ASAP2: variants seen among roughly 807,000 people sequenced by gnomAD.
The protein encoded by ASAP2 is ArfGAP with SH3 domain, ankyrin repeat and PH domain 2, also known as arf-GAP with SH3 domain, ANK repeat and PH domain-containing protein 2.
In ASAP2, 45 loss-of-function variants were observed where a neutral mutation model predicts 131.4. That is an observed-to-expected ratio of 0.34 (90% CI 0.27 to 0.44). ASAP2 has a LOEUF of 0.44. Among genes scored for constraint, ASAP2 ranks in the 20% least tolerant of loss-of-function variants. ASAP2 has a pLI of 1.00. For missense variants in ASAP2, 1,011 were observed against 1,297.0 expected, an observed-to-expected ratio of 0.78 and a Z score of 3.39; for synonymous variants, 510 against 503.0, an observed-to-expected ratio of 1.01 and a Z score of -0.19.
At chr2:9,343,271 C>T (rs906116822) in intron 9 of ASAP2, among the ~76,000 whole-genome samples, 4 of 152,168 alleles carry the variant, frequency 2.6e-5, no homozygotes, top group South Asian at 2.1e-4. Flanking sequence ...ACTGGATAGG[C>T]GTTCTCATTA....
intron 12 of ASAP2, among the ~76,000 whole-genome samples, chr2:9,351,758 G>A (rs939132610): frequency 2.6e-5 from 4 of 152,154 alleles, no homozygotes; most frequent in Non-Finnish European, 4.4e-5. Flanking sequence ...GTGATTCAGC[G>A]CTCCCAGCAA....
At chr2:9,298,633 G>A (rs1668297118) in intron 3 of ASAP2, among the ~76,000 whole-genome samples, 1 of 152,212 alleles carries the variant, frequency 6.6e-6, no homozygotes, top group Non-Finnish European at 1.5e-5. Flanking sequence ...GGCATGCATG[G>A]TGGGGTCTCA....
chr2:9,220,917 C>T (rs1662367506), intron 1 of ASAP2, among the ~76,000 whole-genome samples: 1 of 152,116 alleles, frequency 6.6e-6, no homozygotes, highest in Non-Finnish European at 1.5e-5. Flanking sequence ...GAAGACTTTT[C>T]TTCTTGAATT....
chr2:9,386,281 A>T (rs1026737130), intron 21 of ASAP2, among the ~76,000 whole-genome samples: 2 of 152,062 alleles, frequency 1.3e-5, no homozygotes, highest in Non-Finnish European at 2.9e-5. Context: ...TAACATCCAT[A>T]CTTAACTGCT....
In ASAP2 at chr2:9,267,635, G is replaced by C. The variant is rs190040132; in HGVS notation, c.127-11682G>C. Among the ~76,000 whole-genome samples, 352 of 152,182 alleles carry C rather than the reference G, an allele frequency of 2.3e-3. 2 individuals carry two copies. Among genetic ancestry groups the C allele is most frequent in the South Asian group, 5.8e-3 (28 of 4,824 alleles). ...ATGAAGGCCACGTGCAGTTTCTCAT[G>C]CCTGTAATCCCAGCACTTTGGGAGG... On this transcript the variant is annotated intron_variant, in intron 1 of 27. Transcript: ENST00000281419.
chr2:9,210,978 A>G (rs1047104748), intron 1 of ASAP2, among the ~76,000 whole-genome samples: 4 of 151,948 alleles, frequency 2.6e-5, no homozygotes, highest in African/African-American at 9.7e-5. Context: ...CAACATGGAG[A>G]AACCCTGTCT....
chr2:9,306,748 C>CT (rs1668970188), intron 3 of ASAP2, among the ~76,000 whole-genome samples: 3 of 150,476 alleles, frequency 2.0e-5, no homozygotes, highest in South Asian at 2.1e-4. Flanking sequence ...ATTCCTCCTT[C>CT]TTTGGGAACT....
At chr2:9,373,540 G>T (rs1011071725) in intron 16 of ASAP2, among the ~76,000 whole-genome samples, 4 of 152,224 alleles carry the variant, frequency 2.6e-5, no homozygotes, top group Non-Finnish European at 4.4e-5. Flanking sequence ...CCAGTGGCAT[G>T]TCCAGGGAGC....
rs956179204 is a variant in ASAP2 at position 9,282,715 on chromosome 2, A to G, written c.199+3326A>G. 5.3e-5 allele frequency among the ~76,000 whole-genome samples: 8 copies of G among 152,218 alleles called. No homozygotes were observed. In the East Asian group the frequency reaches 1.3e-3, roughly 26 times the overall value. On this transcript the variant is annotated intron_variant, in intron 2 of 27. Transcript: ENST00000281419. ...TCATTTTATGTACGATTGAAAGAAC[A>G]GTGAGAATAAATTAGCATTTATGCT...
chr2:9,351,011 C>T (rs903170908), intron 12 of ASAP2, 116 bp downstream of exon 12: 67 of 753,558 alleles, frequency 8.9e-5, no homozygotes, highest in Admixed American at 9.1e-5. Context: ...AGAGACATAC[C>T]CTTTTTCTAG....
At position 9,389,070 on chromosome 2, in the gene ASAP2, A is replaced by G. The variant is rs1489053420; in HGVS notation, c.2383+524A>G. On this transcript the variant is annotated intron_variant, in intron 22 of 27. Transcript: ENST00000281419. The surrounding 1 kb of genome is among the most constrained non-coding windows in gnomAD (Gnocchi z 4.7). ...GTGGGCCTACCAGTGTCTTAGGGCAAAAAGCATGCTTTTCTTACCTCAGCT... is the reference window on the plus strand; with the variant it reads ...GTGGGCCTACCAGTGTCTTAGGGCAGAAAGCATGCTTTTCTTACCTCAGCT... Among the ~76,000 whole-genome samples, 2 of 152,260 alleles carry G rather than the reference A, an allele frequency of 1.3e-5. No homozygotes were observed. The highest frequency in any genetic ancestry group is 4.8e-5 in the African/African-American group (2 of 41,470).
At chr2:9,366,318 C>T (rs1673471038) in intron 15 of ASAP2, among the ~76,000 whole-genome samples, 1 of 152,064 alleles carries the variant, frequency 6.6e-6, no homozygotes, top group African/African-American at 2.4e-5. Context: ...TCTCCTCCTC[C>T]CATCTCCCCA....
At chr2:9,399,249 G>A (rs1181212993) in intron 24 of ASAP2, 1 of 152,538 alleles carries the variant, frequency 6.6e-6, no homozygotes, top group African/African-American at 2.4e-5. Context: ...TTCCTCCCTG[G>A]TCTTCCTCTT....
intron 1 of ASAP2, among the ~76,000 whole-genome samples, chr2:9,278,372 G>A (rs1483013485): frequency 6.6e-6 from 1 of 152,060 alleles, no homozygotes; most frequent in Admixed American, 6.6e-5. Flanking sequence ...AATTAGCTGG[G>A]CATGGTGGCA....
chr2:9,251,758 C>T (rs895194170), intron 1 of ASAP2, among the ~76,000 whole-genome samples: 1 of 151,800 alleles, frequency 6.6e-6, no homozygotes, highest in Non-Finnish European at 1.5e-5. Flanking sequence ...GGAATGCCTT[C>T]AGGAATGACG....
chr2:9,391,006 G>C (rs1387130840), intron 22 of ASAP2, 56 bp from the exon 23 acceptor site: 13 of 1,612,992 alleles, frequency 8.1e-6, no homozygotes, highest in Non-Finnish European at 1.1e-5. Flanking sequence ...GTTTTTGTTC[G>C]TGTGTGCACG....
chr2:9,350,959 C>G, intron 12 of ASAP2, 64 bp downstream of exon 12: 3 of 1,244,088 alleles, frequency 2.4e-6, no homozygotes, highest in Admixed American at 2.3e-5. Context: ...CTGGGGCGTC[C>G]TTCACATTTC....
chr2:9,340,824 A>G (rs1296846805), intron 9 of ASAP2, among the ~76,000 whole-genome samples: 1 of 152,168 alleles, frequency 6.6e-6, no homozygotes, highest in Non-Finnish European at 1.5e-5. Flanking sequence ...CCCAATGGCT[A>G]ATACTTCATA....
At chr2:9,360,581 A>C (rs568312935) in intron 15 of ASAP2, among the ~76,000 whole-genome samples, 1 of 152,316 alleles carries the variant, frequency 6.6e-6, no homozygotes, top group East Asian at 1.9e-4. Flanking sequence ...CTGGTTTGCA[A>C]CCTGCCTGTT....
Sources: gnomAD v4.1 joint callset for allele counts (sites outside exome capture counted in the v4.1 genomes callset) on GRCh38, gnomAD v4.1.1 for gene constraint, Gnocchi (gnomAD v3.1) non-coding constraint, MANE v1.5 for transcripts, NCBI Gene and HGNC (gene_info 2026-07-23, HGNC 2026-07-21) for gene names.